The following CHRNA2 variants were observed in gnomAD, a reference collection of about 807,000 sequenced individuals.
The protein encoded by CHRNA2 is cholinergic receptor nicotinic alpha 2 subunit, also known as neuronal acetylcholine receptor subunit alpha-2.
Under a neutral mutation model 45.5 loss-of-function variants are expected in CHRNA2, and 40 were observed. That is an observed-to-expected ratio of 0.88 (90% confidence interval 0.68 to 1.15). The LOEUF (loss-of-function observed/expected upper bound fraction) is 1.15. Ranked by LOEUF, CHRNA2 falls within the 50% of genes most tolerant of loss-of-function variation. The pLI, the probability that CHRNA2 is intolerant of heterozygous loss-of-function variation, is 0.00. For missense variants in CHRNA2, 655 were observed against 701.7 expected (o/e 0.93, Z 0.75); for synonymous variants, 301 against 296.7 (o/e 1.01, Z -0.15).
Position 27,463,348 on chromosome 8 carries a change from C to A in CHRNA2, c.1095G>T (p.Trp365Cys). The A allele has an allele frequency of 6.2e-7, 1 of 1,613,924 alleles. No individual in the cohort carries two copies. The highest frequency in any genetic ancestry group is 8.5e-7 in the Non-Finnish European group (1 of 1,180,006). The stretch of plus-strand genomic sequence containing the variant: ...CACAGCCCAGAAGGGCCCCCCGCAC[C>A]CAGTGGGGCATGGTGTGGGTGCTGG... ...RSPSTHTMPH[W>C]VRGALLGCVP... The change falls in exon 6 of 7, where the codon TGG (tryptophan) becomes TGT (cysteine). Residue 365 changes from tryptophan (W) to cysteine (C), a missense_variant. Physicochemically the swap from Trp to Cys is radical, Grantham distance 215. Coordinates refer to ENST00000407991, the MANE Select transcript of CHRNA2 (RefSeq NM_000742.4). This position sits in a 1 kb window ranked among gnomAD's most constrained non-coding sequence, Gnocchi z 6.1.
At chr8:27,469,617 C>T (rs1174775057) in intron 3 of CHRNA2, 144 bp downstream of exon 3, 8 of 1,063,274 alleles carry the variant, frequency 7.5e-6, no homozygotes, top group East Asian at 2.5e-5. Context: ...AGAGCGTAGC[C>T]GCCCTGGGAA....
chr8:27,467,407 C>A (rs55698463), intron 4 of CHRNA2, 69 bp from the exon 5 acceptor site: 1 of 1,257,308 alleles, frequency 8.0e-7, no homozygotes, highest in African/African-American at 1.5e-5. Flanking sequence ...CTAGCACACC[C>A]CGGGGATGCC....
chr8:27,466,627 T>C (rs908814228), intron 5 of CHRNA2, among the ~76,000 whole-genome samples: 1 of 152,242 alleles, frequency 6.6e-6, no homozygotes, highest in Non-Finnish European at 1.5e-5. Context: ...AAGGGAAGAA[T>C]TGTCTGATAC....
At position 27,469,640 on chromosome 8, in the gene CHRNA2, A is replaced by G. The variant is rs537861239; in HGVS notation, c.294+121T>C. 178 of 1,302,022 alleles carry G rather than the reference A, an allele frequency of 1.4e-4. No homozygotes were observed. The African/African-American group carries it at 2.3e-3, about 17-fold the overall frequency. The allele number at this position is 1,302,022 out of a possible 1,614,324, so 80.7% of individuals were successfully genotyped here. On this transcript the variant is annotated intron_variant, in intron 3 of 6. Transcript: ENST00000407991. ...GCCGCCCTGGGAAGAGCCATCCCCA[A>G]CCCCACCCCAAGTCACTGCTGTGCG...
At chr8:27,471,345 A>C (rs1279804995) in intron 1 of CHRNA2, 151 bp from the exon 2 acceptor site, 1 of 390,950 alleles carries the variant, frequency 2.6e-6, no homozygotes, top group Non-Finnish European at 4.8e-6. Flanking sequence ...TCCCTGGCTT[A>C]TTGAGGAATC....
intron 1 of CHRNA2, among the ~76,000 whole-genome samples, chr8:27,472,871 A>G (rs1219250943): frequency 6.6e-6 from 1 of 152,210 alleles, no homozygotes; most frequent in African/African-American, 2.4e-5. Flanking sequence ...AAGAAGCAGC[A>G]GCTACCCCTC....
At chr8:27,477,176 C>T (rs900077155) in intron 1 of CHRNA2, 2 of 152,136 alleles carry the variant, frequency 1.3e-5, no homozygotes, top group African/African-American at 2.4e-5. Flanking sequence ...ACCTGTGTTC[C>T]GTAGACCCTA....
chr8:27,462,934 T>C, intron 6 of CHRNA2, 45 bp downstream of exon 6: 5 of 1,613,086 alleles, frequency 3.1e-6, no homozygotes, highest in South Asian at 1.1e-5. Flanking sequence ...CCCCGCTAAG[T>C]TGGTGGGGCC....
Position 27,463,621 on chromosome 8 carries a change from G to A in CHRNA2, c.822C>T (p.Ile274=). The A allele has an allele frequency of 1.2e-6, 2 of 1,614,218 alleles. No homozygotes were observed. The highest frequency in any genetic ancestry group is 1.1e-5 in the South Asian group (1 of 91,080). Residue 274 remains isoleucine (I), a synonymous_variant, in exon 6 of 7, where the codon ATC becomes ATT. Coordinates refer to ENST00000407991, the MANE Select transcript of CHRNA2 (RefSeq NM_000742.4). The surrounding 1 kb of genome is among the most constrained non-coding windows in gnomAD (Gnocchi z 6.1). ...LPLFYTINLI[I]PCLLISCLTV... ...TGAGGCAGGAGATGAGCAGGCAGGG[G>A]ATGATGAGGTTGATGGTGTAGAAGA...
intron 1 of CHRNA2, among the ~76,000 whole-genome samples, chr8:27,477,711 T>A (rs1437084666): frequency 1.3e-5 from 2 of 151,492 alleles, no homozygotes; most frequent in Admixed American, 6.6e-5. Flanking sequence ...AAAAAAGAGC[T>A]GCACACTTTG....
intron 1 of CHRNA2, among the ~76,000 whole-genome samples, chr8:27,478,023 TTC>T (rs1813113476): frequency 6.6e-6 from 1 of 152,072 alleles, no homozygotes; most frequent in African/African-American, 2.4e-5. Context: ...GTTCTACTAA[TTC>T]TGTTTTCAAC....
intron 5 of CHRNA2, among the ~76,000 whole-genome samples, chr8:27,465,847 A>T (rs1384389535): frequency 6.6e-6 from 1 of 152,216 alleles, no homozygotes; most frequent in East Asian, 1.9e-4. Flanking sequence ...CTTAACCTTG[A>T]GTGGGGTATC....
rs1563317892 is a variant in CHRNA2 at position 27,463,379 on chromosome 8, CGGT to C, written c.1061_1063del (p.His354del). ...GGGCATGGTGTGGGTGCTGGGGGAGCGGTGGTGCACATTGAGCACGAAGACGGT... is the reference window on the plus strand; with the variant it reads ...GGGCATGGTGTGGGTGCTGGGGGAGCGGTGCACATTGAGCACGAAGACGGT... On this transcript the variant is annotated inframe_deletion, in exon 6 of 7. Coordinates refer to ENST00000407991, the MANE Select transcript of CHRNA2 (RefSeq NM_000742.4). This position sits in a 1 kb window ranked among gnomAD's most constrained non-coding sequence, Gnocchi z 6.1. The C allele has an allele frequency of 6.2e-7, 1 of 1,614,016 alleles. No individual in the cohort carries two copies. The highest frequency in any genetic ancestry group is 1.1e-5 in the South Asian group (1 of 91,086).
At chr8:27,469,707 G>A (rs1159632834) in intron 3 of CHRNA2, 54 bp downstream of exon 3, 16 of 1,596,150 alleles carry the variant, frequency 1.0e-5, no homozygotes, top group South Asian at 4.4e-5. Flanking sequence ...GGGGGAAAGC[G>A]GTGGGTGGTC....
chr8:27,464,136 G>A, intron 5 of CHRNA2, 143 bp from the exon 6 acceptor site: 1 of 868,788 alleles, frequency 1.2e-6, no homozygotes, highest in South Asian at 1.5e-5. Context: ...AAGTGTGTAA[G>A]TCTCCCCCGG....
rs772244275 is a variant in CHRNA2 at position 27,469,759 on chromosome 8, A to G, written c.294+2T>C. The G allele has an allele frequency of 3.7e-6, 6 of 1,614,018 alleles. No individual in the cohort carries two copies. Among genetic ancestry groups the G allele is most frequent in the East Asian group, 2.2e-5 (1 of 44,890 alleles). On this transcript the variant is annotated splice_donor_variant, in intron 3 of 6. Transcript: ENST00000407991. LOFTEE classifies it high-confidence loss of function. ...GGGCCAGCGGTGGGAAGACAGGCGC[A>G]CCACATCGATGAGCTGAGCGATGGA... is the stretch of plus-strand genomic sequence containing the variant.
At chr8:27,462,951 G>A in intron 6 of CHRNA2, 28 bp downstream of exon 6, 1 of 1,613,768 alleles carries the variant, frequency 6.2e-7, no homozygotes, top group East Asian at 2.2e-5. Flanking sequence ...GGCCACCCAG[G>A]CTGGCGCCTC....
rs770305730 is a variant in CHRNA2 at position 27,463,391 on chromosome 8, T to G, written c.1052A>C (p.Asn351Thr). Reference protein sequence around the residue: ...LSIVITVFVLNVHHRSPSTHT... With the variant: ...LSIVITVFVLTVHHRSPSTHT... ...GGTGCTGGGGGAGCGGTGGTGCACATTGAGCACGAAGACGGTGATGACGAT... is the reference window on the plus strand; with the variant it reads ...GGTGCTGGGGGAGCGGTGGTGCACAGTGAGCACGAAGACGGTGATGACGAT... The change falls in exon 6 of 7, where the codon AAT becomes ACT. Residue 351 changes from asparagine to threonine, a missense_variant. Coordinates refer to ENST00000407991, the MANE Select transcript of CHRNA2 (RefSeq NM_000742.4). This position sits in a 1 kb window ranked among gnomAD's most constrained non-coding sequence, Gnocchi z 6.1. 6.2e-7 allele frequency: 1 copy of G among 1,613,952 alleles called. No homozygotes were observed. The highest frequency in any genetic ancestry group is 8.5e-7 in the Non-Finnish European group (1 of 1,179,990).
intron 6 of CHRNA2, among the ~76,000 whole-genome samples, chr8:27,462,480 A>T (rs1253492576): frequency 6.6e-6 from 1 of 152,218 alleles, no homozygotes; most frequent in African/African-American, 2.4e-5. Flanking sequence ...ACCTGGCACA[A>T]CCAAGAATCT....
Sources: gnomAD v4.1 joint callset for allele counts (sites outside exome capture counted in the v4.1 genomes callset) on GRCh38, gnomAD v4.1.1 for gene constraint, Gnocchi (gnomAD v3.1) non-coding constraint, MANE v1.5 for transcripts, NCBI Gene and HGNC (gene_info 2026-07-23, HGNC 2026-07-21) for gene names.